PTPRD: variants seen among roughly 807,000 people sequenced by gnomAD.
PTPRD encodes the protein protein tyrosine phosphatase receptor type D.
In PTPRD, 34 loss-of-function variants were observed where a neutral mutation model predicts 214.5. That is an observed-to-expected ratio of 0.16 (90% CI 0.12 to 0.21). The LOEUF is 0.21. Ranked by LOEUF, PTPRD falls within the 10% of genes least tolerant of loss-of-function variation. PTPRD has a pLI of 1.00. For missense variants in PTPRD, 2,545 were observed against 2,398.7 expected (o/e 1.06, Z -1.27); for synonymous variants, 1,128 against 845.7 (o/e 1.33, Z -5.79).
At chr9:8,535,823 T>A (rs936498835) in intron 14 of PTPRD, among the ~76,000 whole-genome samples, 21 of 151,946 alleles carry the variant, frequency 1.4e-4, no homozygotes, top group Admixed American at 1.1e-3. Flanking sequence ...ATAAACTAGT[T>A]CTAATAGCTC....
chr9:8,713,196 A>C, intron 12 of PTPRD: 1 of 572,158 alleles, frequency 1.7e-6, no homozygotes, highest in Non-Finnish European at 3.1e-6. Flanking sequence ...TCAGGGTCAA[A>C]CATTTGATCT....
chr9:9,724,032 T>C (rs896688411), intron 7 of PTPRD, among the ~76,000 whole-genome samples: 7 of 152,072 alleles, frequency 4.6e-5, no homozygotes, highest in African/African-American at 1.7e-4. Flanking sequence ...CAGTACAACG[T>C]TGAATAGAAG....
At chr9:9,346,234 T>C (rs538853531) in intron 9 of PTPRD, among the ~76,000 whole-genome samples, 154 of 152,192 alleles carry the variant, frequency 1.0e-3, no homozygotes, top group Non-Finnish European at 1.9e-3. Flanking sequence ...ACATTTATCA[T>C]AGAAAAAAGA....
rs536145015 is a variant in PTPRD, at chr9:9,589,272, G to T, written c.-286-14491C>A. On this transcript the variant is annotated intron_variant, in intron 7 of 45. Transcript: ENST00000381196. Reference sequence around the variant, plus strand: ...ACAAAATCAGTAAAATCCTCTTAAGGATTTTATACATTTCCTACATAGAAA... The same window carrying T: ...ACAAAATCAGTAAAATCCTCTTAAGTATTTTATACATTTCCTACATAGAAA... Among the ~76,000 whole-genome samples the T allele has an allele frequency of 2.6e-5, 4 of 151,688 alleles. No homozygotes were observed. In the South Asian group the frequency reaches 8.3e-4, roughly 31 times the overall value.
chr9:9,368,141 G>A (rs538520912), intron 9 of PTPRD, among the ~76,000 whole-genome samples: 5 of 151,834 alleles, frequency 3.3e-5, no homozygotes, highest in South Asian at 2.1e-4. Context: ...GTCAAAAACT[G>A]ATCAAGGCCC....
chr9:8,857,097 G>A (rs188044913), intron 11 of PTPRD, among the ~76,000 whole-genome samples: 3 of 152,112 alleles, frequency 2.0e-5, no homozygotes, highest in Non-Finnish European at 4.4e-5. Flanking sequence ...ATTCTGCCAC[G>A]GGAAGGTCTC....
At chr9:8,928,538 C>T (rs1382440474) in intron 11 of PTPRD, among the ~76,000 whole-genome samples, 1 of 151,376 alleles carries the variant, frequency 6.6e-6, no homozygotes, top group Non-Finnish European at 1.5e-5. Context: ...TTTCTGAGGC[C>T]TCTGTTCTGG....
rs551967099 is a variant in PTPRD at position 8,761,383 on chromosome 9, T to C, written c.-103-27437A>G. Among the ~76,000 whole-genome samples, 5 of 152,298 alleles carry C rather than the reference T, an allele frequency of 3.3e-5. No homozygotes were observed. In the East Asian group the frequency reaches 9.6e-4, roughly 29 times the overall value. ...ATAACTAACAAAACTGAAAGACTTC[T>C]GTCTTTTTCACAATTATAACATTTC... On this transcript the variant is annotated intron_variant, in intron 11 of 45. Transcript: ENST00000381196.
At chr9:9,052,654 A>T (rs2099688470) in intron 10 of PTPRD, among the ~76,000 whole-genome samples, 1 of 152,196 alleles carries the variant, frequency 6.6e-6, no homozygotes, top group African/African-American at 2.4e-5. Context: ...CCATTCTGTT[A>T]CATAGCGTCT....
chr9:8,727,274 G>C (rs903020753), intron 12 of PTPRD, among the ~76,000 whole-genome samples: 34 of 152,238 alleles, frequency 2.2e-4, no homozygotes, highest in Non-Finnish European at 4.0e-4. Context: ...ATGTACACGT[G>C]TTGATTTTGT....
intron 2 of PTPRD, among the ~76,000 whole-genome samples, chr9:10,381,509 G>T (rs558334608): frequency 6.6e-6 from 1 of 152,060 alleles, no homozygotes; most frequent in Non-Finnish European, 1.5e-5. Flanking sequence ...CAGAATTATG[G>T]TCCTCCCAAA....
chr9:8,767,260 G>C (rs998735231), intron 11 of PTPRD, among the ~76,000 whole-genome samples: 1 of 151,978 alleles, frequency 6.6e-6, no homozygotes, highest in Non-Finnish European at 1.5e-5. Flanking sequence ...TGGGATTACA[G>C]GTGTGCACCA....
chr9:9,124,846 T>C (rs1323634155), intron 10 of PTPRD, among the ~76,000 whole-genome samples: 1 of 152,206 alleles, frequency 6.6e-6, no homozygotes, highest in African/African-American at 2.4e-5. Flanking sequence ...ATTACACAGA[T>C]GTTAAAATTG....
intron 2 of PTPRD, among the ~76,000 whole-genome samples, chr9:10,391,831 A>G (rs2098072694): frequency 6.6e-6 from 1 of 151,664 alleles, no homozygotes; most frequent in African/African-American, 2.4e-5. Context: ...GAACTTACTC[A>G]TGGTTATTTC....
intron 11 of PTPRD, among the ~76,000 whole-genome samples, chr9:8,784,243 G>C (rs975123307): frequency 1.3e-5 from 2 of 152,292 alleles, no homozygotes; most frequent in East Asian, 3.9e-4. Context: ...AAAACGACAT[G>C]ACCTGGAAAG....
At chr9:9,403,846 C>T (rs1348371435) in intron 8 of PTPRD, among the ~76,000 whole-genome samples, 5 of 151,964 alleles carry the variant, frequency 3.3e-5, no homozygotes, top group Non-Finnish European at 5.9e-5. Flanking sequence ...AGACCATACA[C>T]AGCTAAACAA....
At chr9:9,073,773 T>C (rs2099747186) in intron 10 of PTPRD, among the ~76,000 whole-genome samples, 1 of 152,144 alleles carries the variant, frequency 6.6e-6, no homozygotes. Context: ...ATTGTGCCTG[T>C]TTTTCTGAAA....
At chr9:8,793,513 A>G (rs946168807) in intron 11 of PTPRD, among the ~76,000 whole-genome samples, 1 of 152,194 alleles carries the variant, frequency 6.6e-6, no homozygotes, top group East Asian at 1.9e-4. Flanking sequence ...ATATGAGATA[A>G]TAAGTATATA....
intron 11 of PTPRD, among the ~76,000 whole-genome samples, chr9:8,868,836 C>T (rs961251621): frequency 1.3e-5 from 2 of 152,186 alleles, no homozygotes; most frequent in East Asian, 3.9e-4. Flanking sequence ...CTCATTCAAT[C>T]AAACCTCCAC....
Sources: gnomAD v4.1 joint callset for allele counts (sites outside exome capture counted in the v4.1 genomes callset) on GRCh38, gnomAD v4.1.1 for gene constraint, MANE v1.5 for transcripts, NCBI Gene and HGNC (gene_info 2026-07-23, HGNC 2026-07-21) for gene names.